The following CCNYL1 variants were observed in gnomAD, a reference collection of about 807,000 sequenced individuals.
CCNYL1 encodes the protein cyclin-Y-like protein 1.
CCNYL1 carries 16 observed loss-of-function variants against 44.2 expected under a neutral mutation model. That is an observed-to-expected ratio of 0.36 (90% CI 0.25 to 0.55). The LOEUF is 0.55. Ranked by LOEUF, CCNYL1 falls within the 20% of genes least tolerant of loss-of-function variation. The probability of loss-of-function intolerance (pLI) is 0.85; values close to 1 mark genes in which losing one functional copy is unlikely to be tolerated. For missense variants in CCNYL1, 348 were observed against 451.8 expected, an observed-to-expected ratio of 0.77 and a Z score of 2.08; for synonymous variants, 159 against 163.2, an observed-to-expected ratio of 0.97 and a Z score of 0.20.
chr2:207,731,926 C>T (rs185194345), intron 3 of CCNYL1, among the ~76,000 whole-genome samples: 301 of 151,610 alleles, frequency 2.0e-3, no homozygotes, highest in African/African-American at 7.1e-3. Context: ...TCTCTTGCCT[C>T]GGCCTCCCGA....
At chr2:207,715,455 G>C (rs111445055) in intron 1 of CCNYL1, among the ~76,000 whole-genome samples, 1 of 129,644 alleles carries the variant, frequency 7.7e-6, no homozygotes, top group African/African-American at 3.0e-5. Context: ...ACTTGGTTCA[G>C]TGCAACCTCT....
chr2:207,740,061 C>T (rs1040993195), intron 5 of CCNYL1, among the ~76,000 whole-genome samples: 1 of 152,130 alleles, frequency 6.6e-6, no homozygotes, highest in African/African-American at 2.4e-5. Context: ...AGAGGGTCTC[C>T]AGAAGTCCAC....
chr2:207,749,076 G>A (rs1051424205), intron 8 of CCNYL1, among the ~76,000 whole-genome samples: 1 of 152,176 alleles, frequency 6.6e-6, no homozygotes, highest in African/African-American at 2.4e-5. Flanking sequence ...CAGTATCAGA[G>A]AACCTGCAGG....
chr2:207,741,688 T>C (rs2091811339), intron 6 of CCNYL1, among the ~76,000 whole-genome samples: 1 of 151,282 alleles, frequency 6.6e-6, no homozygotes, highest in Non-Finnish European at 1.5e-5. Flanking sequence ...CTGTTAAAAA[T>C]ACAAAAAATT....
In CCNYL1 at chr2:207,739,460, C is replaced by T. The variant is rs1057066920; in HGVS notation, c.468-1195C>T. Among the ~76,000 whole-genome samples, 5 of 152,024 alleles carry T rather than the reference C, an allele frequency of 3.3e-5. No individual in the cohort carries two copies. In the East Asian group the frequency reaches 9.7e-4, roughly 29 times the overall value. On this transcript the variant is annotated intron_variant, in intron 5 of 9. Transcript: ENST00000295414. ...GGCCAGGCTGGTCTCGAACTCCTGACCTCAAGTGATCCACCCGCCTCAGCC... is the reference window on the plus strand; with the variant it reads ...GGCCAGGCTGGTCTCGAACTCCTGATCTCAAGTGATCCACCCGCCTCAGCC...
chr2:207,715,777 A>G (rs1160777408), intron 1 of CCNYL1, among the ~76,000 whole-genome samples: 1 of 151,266 alleles, frequency 6.6e-6, no homozygotes, highest in Non-Finnish European at 1.5e-5. Context: ...CCAGAGTTCA[A>G]GCAGTTCTCC....
intron 5 of CCNYL1, among the ~76,000 whole-genome samples, 174 bp downstream of exon 5, chr2:207,737,620 G>A (rs1233383095): frequency 1.3e-5 from 2 of 151,912 alleles, no homozygotes; most frequent in African/African-American, 4.8e-5. Context: ...TTAAATTACT[G>A]AGGATCCCAA....
intron 1 of CCNYL1, among the ~76,000 whole-genome samples, chr2:207,720,509 A>G (rs915155402): frequency 1.3e-5 from 2 of 152,028 alleles, no homozygotes; most frequent in South Asian, 4.1e-4. Context: ...CCTGGGCTCA[A>G]GTTATCCTGC....
chr2:207,744,493 G>C (rs1239624740), intron 7 of CCNYL1, among the ~76,000 whole-genome samples: 2 of 151,476 alleles, frequency 1.3e-5, no homozygotes, highest in African/African-American at 4.9e-5. Flanking sequence ...TCAGCCTCCC[G>C]AGTACCTGGG....
In CCNYL1 at chr2:207,747,094, C is replaced by T. The variant is rs1303165830; in HGVS notation, c.687C>T (p.Pro229=). 2.5e-6 allele frequency: 4 copies of T among 1,613,940 alleles called. No individual in the cohort carries two copies. The highest frequency in any genetic ancestry group is 8.5e-7 in the Non-Finnish European group (1 of 1,179,986). Residue 229 remains proline, a synonymous_variant, in exon 8 of 10, where the codon CCC becomes CCT. Coordinates refer to ENST00000295414, the MANE Select transcript of CCNYL1 (RefSeq NM_001330218.2). Reference sequence around the variant, plus strand: ...CTTATGCTGAAATCGACATTTGTCCCACCAACTGGAAAAGGATTGTTCTGG... The same window carrying T: ...CTTATGCTGAAATCGACATTTGTCCTACCAACTGGAAAAGGATTGTTCTGG... ...LLTYAEIDIC[P]TNWKRIVLGA... is the part of the protein sequence containing the mutation.
chr2:207,752,041 A>C (rs2091896398), intron 9 of CCNYL1, among the ~76,000 whole-genome samples: 1 of 152,004 alleles, frequency 6.6e-6, no homozygotes, highest in South Asian at 2.1e-4. Context: ...TCTCCAAAAA[A>C]AAAAAATTTT....
At chr2:207,726,925 ATGTC>A (rs1174062091) in intron 3 of CCNYL1, 49 bp downstream of exon 3, 1 of 1,319,870 alleles carries the variant, frequency 7.6e-7, no homozygotes. Flanking sequence ...AATTAAAAGT[ATGTC>A]TGTCATGATT....
At chr2:207,729,671 C>T (rs561800444) in intron 3 of CCNYL1, among the ~76,000 whole-genome samples, 3 of 152,012 alleles carry the variant, frequency 2.0e-5, no homozygotes, top group Admixed American at 6.6e-5. Flanking sequence ...TTCCTTTCCT[C>T]CTTCCTTTCC....
rs898348290 is a variant in CCNYL1, at chr2:207,733,028, T to C, written c.331-919T>C. On this transcript the variant is annotated intron_variant, in intron 3 of 9. Coordinates refer to ENST00000295414, the MANE Select transcript of CCNYL1 (RefSeq NM_001330218.2). ...TTGTGAGGGGTTACTCCACAAGCAGTTGGTATCATGTAACAAGTGGTGAAT... is the reference window on the plus strand; with the variant it reads ...TTGTGAGGGGTTACTCCACAAGCAGCTGGTATCATGTAACAAGTGGTGAAT... Among the ~76,000 whole-genome samples the C allele has an allele frequency of 6.6e-5, 10 of 152,244 alleles. No individual in the cohort carries two copies. In the South Asian group the frequency reaches 1.5e-3, roughly 22 times the overall value.
In CCNYL1 at chr2:207,711,942, A is replaced by C; in HGVS notation, c.46A>C (p.Lys16Gln). 7.1e-7 allele frequency: 1 copy of C among 1,400,234 alleles called. No homozygotes were observed. Among genetic ancestry groups the C allele is most frequent in the Admixed American group, 3.4e-5 (1 of 29,544 alleles). The allele number at this position is 1,400,234 out of a possible 1,614,324, so 86.7% of individuals were successfully genotyped here. The change falls in exon 1 of 10, where the codon AAG (lysine) becomes CAG (glutamine). Residue 16 changes from lysine (K) to glutamine (Q), a missense_variant. Lys to Gln is a moderately conservative substitution (Grantham distance 53, BLOSUM62 1). This residue lies in a region of CCNYL1 where 209 missense variants were observed against 247.7 expected (regional missense o/e 0.84). Coordinates refer to ENST00000295414, the MANE Select transcript of CCNYL1 (RefSeq NM_001330218.2). ...TTGCGTGTCCCCCAATGCCAGCCCC[A>C]AGCTGGGCCGGCGCGCGGGGTCGGC... ...TCCVSPNASPKLGRRAGSAEL... is the reference protein window; with the variant it reads ...TCCVSPNASPQLGRRAGSAEL...
chr2:207,721,455 G>C (rs2091639398), intron 1 of CCNYL1, among the ~76,000 whole-genome samples: 1 of 152,126 alleles, frequency 6.6e-6, no homozygotes, highest in South Asian at 2.1e-4. Flanking sequence ...ATTAACATCT[G>C]TGAAATTGAG....
intron 8 of CCNYL1, among the ~76,000 whole-genome samples, chr2:207,749,260 T>C (rs554419659): frequency 1.3e-5 from 2 of 152,230 alleles, no homozygotes; most frequent in Non-Finnish European, 2.9e-5. Flanking sequence ...CAACAAACTG[T>C]TTAATATACA....
chr2:207,713,292 A>G (rs1445968311), intron 1 of CCNYL1, among the ~76,000 whole-genome samples: 1 of 152,174 alleles, frequency 6.6e-6, no homozygotes, highest in African/African-American at 2.4e-5. Flanking sequence ...ATAAATTTAG[A>G]CTTAATTTAT....
intron 1 of CCNYL1, among the ~76,000 whole-genome samples, chr2:207,712,517 C>T (rs571484012): frequency 1.7e-4 from 26 of 152,252 alleles, no homozygotes; most frequent in African/African-American, 6.0e-4. Context: ...TCCCTTAACC[C>T]ATCCAGATGG....
Sources: gnomAD v4.1 joint callset for allele counts (sites outside exome capture counted in the v4.1 genomes callset) on GRCh38, gnomAD v4.1.1 for gene constraint, gnomAD v4.1.1 regional missense constraint, MANE v1.5 for transcripts, NCBI Gene and HGNC (gene_info 2026-07-23, HGNC 2026-07-21) for gene names.